SHISA9: variants seen among roughly 807,000 people sequenced by gnomAD.
SHISA9 encodes shisa family member 9.
A neutral mutation model predicts 38.0 loss-of-function variants in SHISA9; 13 were observed. That is an observed-to-expected ratio of 0.34 (90% CI 0.22 to 0.54). The LOEUF is 0.54. Ranked by LOEUF, SHISA9 falls within the 20% of genes least tolerant of loss-of-function variation. The probability of loss-of-function intolerance (pLI) is 0.91; values close to 1 mark genes in which losing one functional copy is unlikely to be tolerated. For synonymous variants in SHISA9, 275 were observed against 242.0 expected (o/e 1.14, Z -1.27); for missense variants, 538 against 575.8 (o/e 0.93, Z 0.67).
intron 1 of SHISA9, among the ~76,000 whole-genome samples, chr16:12,916,164 G>A (rs1279577103): frequency 1.3e-5 from 2 of 152,060 alleles, no homozygotes; most frequent in Non-Finnish European, 2.9e-5. Context: ...TGAGCAGGTC[G>A]ATTCACCTCT....
chr16:13,421,502 G>A, the SHISA9 span, among the ~76,000 whole-genome samples: 6 of 152,182 alleles, frequency 3.9e-5, no homozygotes, highest in Admixed American at 1.3e-4. Context: ...CAGTATGGGG[G>A]AAACCACCCC....
chr16:13,116,194 A>G (rs1487327426), intron 2 of SHISA9, among the ~76,000 whole-genome samples: 1 of 152,170 alleles, frequency 6.6e-6, no homozygotes, highest in Non-Finnish European at 1.5e-5. Context: ...TGCCTGGGAT[A>G]CATCATACCT....
At chr16:13,195,104 AGGG>A (rs1293224091) in intron 2 of SHISA9, among the ~76,000 whole-genome samples, 1 of 152,328 alleles carries the variant, frequency 6.6e-6, no homozygotes, top group South Asian at 2.1e-4. Context: ...GTCAGCATAG[AGGG>A]AGTAGAAAAA....
the SHISA9 span, among the ~76,000 whole-genome samples, chr16:13,273,521 G>A: frequency 2.0e-5 from 3 of 152,180 alleles, no homozygotes; most frequent in Non-Finnish European, 4.4e-5. Context: ...TGTAAGATTT[G>A]ACTTGCTCCT....
At chr16:13,310,000 G>C in the SHISA9 span, among the ~76,000 whole-genome samples, 1 of 152,100 alleles carries the variant, frequency 6.6e-6, no homozygotes, top group Non-Finnish European at 1.5e-5. Context: ...TGATTCTCCT[G>C]CCTCAGCCCT....
chr16:13,000,641 C>G (rs974356798), intron 2 of SHISA9, among the ~76,000 whole-genome samples: 3 of 152,148 alleles, frequency 2.0e-5, no homozygotes, highest in African/African-American at 7.2e-5. Flanking sequence ...AAGGGGTCCC[C>G]AGGAGCCTGA....
the SHISA9 span, among the ~76,000 whole-genome samples, chr16:13,397,932 G>A: frequency 2.0e-5 from 3 of 152,182 alleles, no homozygotes; most frequent in Non-Finnish European, 2.9e-5. Flanking sequence ...TCAGCAGAGC[G>A]GGGAGCCAGA....
At chr16:13,442,403 G>A in the SHISA9 span, among the ~76,000 whole-genome samples, 1 of 151,978 alleles carries the variant, frequency 6.6e-6, no homozygotes. Flanking sequence ...CCACCTCCCA[G>A]GTACAGTGAT....
intron 2 of SHISA9, among the ~76,000 whole-genome samples, chr16:13,179,726 G>A (rs140629634): frequency 6.6e-6 from 1 of 152,310 alleles, no homozygotes; most frequent in African/African-American, 2.4e-5. Context: ...ATTTGGTGTG[G>A]AAATCCAAGA....
At chr16:12,964,514 T>G (rs1567354616) in intron 2 of SHISA9, among the ~76,000 whole-genome samples, 1 of 152,152 alleles carries the variant, frequency 6.6e-6, no homozygotes, top group Non-Finnish European at 1.5e-5. Flanking sequence ...GTCAGCAAGT[T>G]TTTCTTGGTT....
chr16:13,187,931 C>G (rs1179660225), intron 2 of SHISA9, among the ~76,000 whole-genome samples: 1 of 152,140 alleles, frequency 6.6e-6, no homozygotes, highest in Non-Finnish European at 1.5e-5. Flanking sequence ...ACAGGTTCCT[C>G]CAACCCCTGA....
chr16:13,139,204 C>T (rs1381655081), intron 2 of SHISA9, among the ~76,000 whole-genome samples: 1 of 151,388 alleles, frequency 6.6e-6, no homozygotes, highest in Non-Finnish European at 1.5e-5. Flanking sequence ...CTATTATCTC[C>T]CTCCCTCCCT....
chr16:13,156,808 C>T (rs1003287425), intron 2 of SHISA9, among the ~76,000 whole-genome samples: 6 of 151,810 alleles, frequency 4.0e-5, no homozygotes, highest in African/African-American at 7.3e-5. Flanking sequence ...TGCGGGATTA[C>T]ATTGTTACAC....
At chr16:13,135,686 C>A (rs1480451787) in intron 2 of SHISA9, among the ~76,000 whole-genome samples, 1 of 152,134 alleles carries the variant, frequency 6.6e-6, no homozygotes, top group African/African-American at 2.4e-5. Context: ...AGAACTCAAT[C>A]TTTGACCTTA....
intron 2 of SHISA9, among the ~76,000 whole-genome samples, chr16:12,990,347 A>C (rs1241398544): frequency 6.6e-6 from 1 of 152,196 alleles, no homozygotes; most frequent in Non-Finnish European, 1.5e-5. Context: ...TAGGTCTTTG[A>C]GGAATCACCA....
the SHISA9 span, among the ~76,000 whole-genome samples, chr16:13,259,586 A>T: frequency 7.9e-5 from 12 of 152,226 alleles, no homozygotes; most frequent in Admixed American, 7.9e-4. Flanking sequence ...TGCATCCAAG[A>T]GTTTCCACAC....
At chr16:13,269,316 C>A in the SHISA9 span, among the ~76,000 whole-genome samples, 1 of 152,206 alleles carries the variant, frequency 6.6e-6, no homozygotes, top group Non-Finnish European at 1.5e-5. Context: ...TGCTACTCAA[C>A]CTCTCTGAGC....
the SHISA9 span, among the ~76,000 whole-genome samples, chr16:13,366,582 C>T: frequency 1.3e-5 from 2 of 152,110 alleles, no homozygotes; most frequent in South Asian, 4.2e-4. Context: ...GAGGCTCATG[C>T]CTGTAATCCC....
the SHISA9 span, among the ~76,000 whole-genome samples, chr16:13,463,000 A>T: frequency 6.6e-6 from 1 of 152,172 alleles, no homozygotes; most frequent in South Asian, 2.1e-4. Flanking sequence ...ATAAAAATAC[A>T]AAAAAGTTAG....
Sources: allele counts gnomAD v4.1 joint callset (sites outside exome capture counted in the v4.1 genomes callset), GRCh38; gene constraint gnomAD v4.1.1; transcripts MANE v1.5; gene names NCBI Gene and HGNC (gene_info 2026-07-23, HGNC 2026-07-21).